The following PLCB1 variants were observed in gnomAD, a reference collection of about 807,000 sequenced individuals.
PLCB1 encodes the protein phospholipase C beta 1, also known as 1-phosphatidylinositol 4,5-bisphosphate phosphodiesterase beta-1.
In PLCB1, 46 loss-of-function variants were observed where a neutral mutation model predicts 161.8. That is an observed-to-expected ratio of 0.28 (90% confidence interval 0.22 to 0.36). The LOEUF (loss-of-function observed/expected upper bound fraction) is 0.36, where lower values mean the gene tolerates loss of function less well. Ranked by LOEUF, PLCB1 falls within the 10% of genes least tolerant of loss-of-function variation. The pLI is 1.00. For synonymous variants in PLCB1, 517 were observed against 503.7 expected (o/e 1.03, Z -0.35); for missense variants, 1,016 against 1,472.5 (o/e 0.69, Z 5.07).
chr20:8,657,460 C>A (rs940783840), intron 8 of PLCB1, among the ~76,000 whole-genome samples, 176 bp downstream of exon 8: 2 of 152,012 alleles, frequency 1.3e-5, no homozygotes, highest in Non-Finnish European at 2.9e-5. Flanking sequence ...GAGGTGCAAC[C>A]ACTGCTTTTA....
intron 1 of PLCB1, among the ~76,000 whole-genome samples, chr20:8,149,496 A>T (rs1487533909): frequency 6.6e-6 from 1 of 152,140 alleles, no homozygotes. Context: ...GATATGACAC[A>T]CTATGGTTAT....
intron 2 of PLCB1, among the ~76,000 whole-genome samples, chr20:8,153,570 C>T (rs1257822002): frequency 6.6e-6 from 1 of 152,102 alleles, no homozygotes; most frequent in African/African-American, 2.4e-5. Flanking sequence ...ATCTGCTCCA[C>T]CGGTTTTGAA....
chr20:8,693,164 T>C (rs1990517026), intron 10 of PLCB1, among the ~76,000 whole-genome samples: 1 of 152,214 alleles, frequency 6.6e-6, no homozygotes, highest in Admixed American at 6.5e-5. Context: ...ATCACTTTCA[T>C]ATCCCCAGTA....
At chr20:8,839,860 G>T (rs561628781) in intron 31 of PLCB1, among the ~76,000 whole-genome samples, 213 of 152,006 alleles carry the variant, frequency 1.4e-3, no homozygotes, top group African/African-American at 5.0e-3. Context: ...GCAAAGCCCG[G>T]TCTCTACTAA....
chr20:8,698,017 G>A lies in PLCB1; in HGVS notation c.1167+234G>A, dbSNP rs192559265. On this transcript the variant is annotated intron_variant, in intron 11 of 31. Coordinates refer to ENST00000338037, the MANE Select transcript of PLCB1 (RefSeq NM_015192.4). The stretch of plus-strand genomic sequence containing the variant: ...ACTGTCTCGTGAAAGGAAATATCAA[G>A]GTATTTGTCTTGTCCTCTTTAGCAC... 7.9e-5 allele frequency among the ~76,000 whole-genome samples: 12 copies of A among 152,218 alleles called. No homozygotes were observed. The East Asian group carries it at 2.3e-3, about 29-fold the overall frequency.
intron 31 of PLCB1, among the ~76,000 whole-genome samples, chr20:8,852,831 G>T (rs1410797131): frequency 6.6e-6 from 1 of 152,206 alleles, no homozygotes; most frequent in Non-Finnish European, 1.5e-5. Flanking sequence ...CAGAAGCACA[G>T]TATACCAGAA....
intron 7 of PLCB1, 28 bp from the exon 8 acceptor site, chr20:8,657,156 T>C (rs1356169137): frequency 7.7e-7 from 1 of 1,299,782 alleles, no homozygotes; most frequent in South Asian, 1.2e-5. Flanking sequence ...AAAAGACCAT[T>C]TGCTGACTCC....
intron 10 of PLCB1, among the ~76,000 whole-genome samples, chr20:8,696,245 A>G (rs1448223261): frequency 6.6e-6 from 1 of 152,224 alleles, no homozygotes; most frequent in Non-Finnish European, 1.5e-5. Context: ...TTGTCCCAAC[A>G]CTATTGAAAA....
chr20:8,708,581 G>A, intron 11 of PLCB1, 89 bp from the exon 12 acceptor site: 3 of 785,074 alleles, frequency 3.8e-6, no homozygotes, highest in Non-Finnish European at 6.5e-6. Context: ...GAATGGAAAA[G>A]ACAACTATAT....
intron 3 of PLCB1, among the ~76,000 whole-genome samples, chr20:8,463,672 A>T (rs73092063): frequency 6.6e-6 from 1 of 152,196 alleles, no homozygotes; most frequent in Non-Finnish European, 1.5e-5. Flanking sequence ...GAAATTATAT[A>T]CTTCACTCTT....
intron 3 of PLCB1, among the ~76,000 whole-genome samples, chr20:8,388,772 T>A (rs969048224): frequency 6.6e-6 from 1 of 152,228 alleles, no homozygotes; most frequent in African/African-American, 2.4e-5. Context: ...CGTGCATGTG[T>A]GTGTGTGATG....
At chr20:8,827,149 G>A (rs6077427) in intron 31 of PLCB1, among the ~76,000 whole-genome samples, 43,883 of 152,036 alleles carry the variant, frequency 0.29, 6,509 homozygotes, top group Middle Eastern at 0.41. Context: ...TGCATTTTTT[G>A]TAATAGACAT....
chr20:8,737,870 C>G (rs1295602678), intron 20 of PLCB1, among the ~76,000 whole-genome samples: 1 of 152,172 alleles, frequency 6.6e-6, no homozygotes, highest in Non-Finnish European at 1.5e-5. Context: ...CATATGTTAA[C>G]TGAGTTTAAT....
At chr20:8,587,463 T>C (rs1176591694) in intron 3 of PLCB1, among the ~76,000 whole-genome samples, 1 of 152,136 alleles carries the variant, frequency 6.6e-6, no homozygotes, top group Non-Finnish European at 1.5e-5. Flanking sequence ...CAGCAGCTTA[T>C]ACAAAAGGGG....
chr20:8,406,720 G>A (rs2122495400), intron 3 of PLCB1, among the ~76,000 whole-genome samples: 1 of 152,228 alleles, frequency 6.6e-6, no homozygotes, highest in Admixed American at 6.5e-5. Flanking sequence ...AAAGAGTAAG[G>A]CTGTTCAAAT....
intron 4 of PLCB1, among the ~76,000 whole-genome samples, chr20:8,643,671 C>T (rs940381468): frequency 6.6e-6 from 1 of 152,000 alleles, no homozygotes; most frequent in South Asian, 2.1e-4. Flanking sequence ...GGGTGGATCA[C>T]GAGGTCGGGA....
intron 2 of PLCB1, among the ~76,000 whole-genome samples, chr20:8,358,653 A>G (rs1986442217): frequency 6.6e-6 from 1 of 152,202 alleles, no homozygotes; most frequent in Admixed American, 6.5e-5. Flanking sequence ...AATATAGAAC[A>G]TAATAGGAAA....
chr20:8,850,035 G>T (rs1248338319), intron 31 of PLCB1, among the ~76,000 whole-genome samples: 3 of 152,138 alleles, frequency 2.0e-5, no homozygotes, highest in Non-Finnish European at 4.4e-5. Flanking sequence ...GAACGAAGCA[G>T]CCCGGCCCTA....
intron 2 of PLCB1, among the ~76,000 whole-genome samples, chr20:8,222,807 A>G (rs756732078): frequency 6.6e-6 from 1 of 152,106 alleles, no homozygotes; most frequent in Admixed American, 6.6e-5. Context: ...TGGCTTTCTC[A>G]ACCTTAATTA....
Sources: gnomAD v4.1 joint callset for allele counts (sites outside exome capture counted in the v4.1 genomes callset) on GRCh38, gnomAD v4.1.1 for gene constraint, MANE v1.5 for transcripts, NCBI Gene and HGNC (gene_info 2026-07-23, HGNC 2026-07-21) for gene names.